ZNF536: variants seen among roughly 807,000 people sequenced by gnomAD.
ZNF536 encodes the protein zinc finger protein 536.
ZNF536 carries 13 observed loss-of-function variants against 84.5 expected under a neutral mutation model. The observed-to-expected ratio is 0.15, with a 90% CI of 0.10 to 0.24. ZNF536 has a LOEUF of 0.24. Ranked by LOEUF, ZNF536 falls within the 10% of genes least tolerant of loss-of-function variation. ZNF536 has a pLI of 1.00. For missense variants in ZNF536, 1,536 were observed against 1,747.5 expected (o/e 0.88, Z 2.16); for synonymous variants, 811 against 742.5 (o/e 1.09, Z -1.50).
intron 1 of ZNF536, among the ~76,000 whole-genome samples, chr19:30,673,122 A>G (rs1284440793): frequency 6.6e-6 from 1 of 152,124 alleles, no homozygotes; most frequent in Non-Finnish European, 1.5e-5. Context: ...TCACATGAGA[A>G]TCGAGCCTCT....
intron 3 of ZNF536, among the ~76,000 whole-genome samples, chr19:30,543,301 T>C (rs550009354): frequency 1.8e-4 from 28 of 152,350 alleles, no homozygotes; most frequent in South Asian, 4.1e-4. Context: ...GAGGTCACCA[T>C]AGGACTCTTG....
At chr19:30,498,512 G>A (rs2054813728) in intron 2 of ZNF536, among the ~76,000 whole-genome samples, 1 of 152,030 alleles carries the variant, frequency 6.6e-6, no homozygotes, top group African/African-American at 2.4e-5. Flanking sequence ...TAGGTGATGG[G>A]TTAACAGGTG....
chr19:30,426,977 A>G lies in ZNF536; in HGVS notation c.-2-16584A>G, dbSNP rs118107448. Among the ~76,000 whole-genome samples the G allele has an allele frequency of 6.2e-4, 93 of 150,688 alleles. No homozygotes were observed. The East Asian group carries it at 0.016, about 25-fold the overall frequency. ...TGCTCATTGATCCATGCATCCATCCATCCATGTATCCATCCATCCATCCAT... is the reference window on the plus strand; with the variant it reads ...TGCTCATTGATCCATGCATCCATCCGTCCATGTATCCATCCATCCATCCAT... On this transcript the variant is annotated intron_variant, in intron 1 of 4. Coordinates refer to ENST00000355537, the MANE Select transcript of ZNF536 (RefSeq NM_014717.3).
intron 2 of ZNF536, among the ~76,000 whole-genome samples, chr19:30,330,797 T>A (rs1352729357): frequency 6.6e-6 from 1 of 152,162 alleles, no homozygotes; most frequent in Non-Finnish European, 1.5e-5. Context: ...TCCTGAGGGC[T>A]CCTAGCCTGA....
intron 1 of ZNF536, among the ~76,000 whole-genome samples, chr19:30,422,424 G>A (rs1433070): frequency 0.54 from 81,548 of 151,938 alleles, 22,985 homozygotes; most frequent in East Asian, 0.78. Context: ...CAAGAAAAAG[G>A]TTACTAGATG....
At chr19:30,229,605 AG>A (rs1477783504) in intron 1 of ZNF536, among the ~76,000 whole-genome samples, 2 of 152,062 alleles carry the variant, frequency 1.3e-5, no homozygotes, top group African/African-American at 2.4e-5. Flanking sequence ...AGGGAGTCGC[AG>A]GGGGTCGCCC....
At chr19:30,627,762 TC>T (rs1270837055) in intron 1 of ZNF536, among the ~76,000 whole-genome samples, 1 of 152,140 alleles carries the variant, frequency 6.6e-6, no homozygotes, top group Non-Finnish European at 1.5e-5. Flanking sequence ...GCGTTGACCT[TC>T]CCCTGACATT....
chr19:30,462,294 G>A (rs377129009), intron 2 of ZNF536, among the ~76,000 whole-genome samples: 24 of 140,512 alleles, frequency 1.7e-4, no homozygotes, highest in African/African-American at 7.0e-4. Flanking sequence ...TTGTGATTTT[G>A]TGTGTGTGAG....
intron 2 of ZNF536, among the ~76,000 whole-genome samples, chr19:30,315,124 C>G (rs983278584): frequency 6.6e-6 from 1 of 152,192 alleles, no homozygotes; most frequent in South Asian, 2.1e-4. Flanking sequence ...GAATCTCATG[C>G]CTTTTGTTCT....
intron 1 of ZNF536, among the ~76,000 whole-genome samples, chr19:30,709,439 G>C (rs558642764): frequency 1.3e-5 from 2 of 151,990 alleles, no homozygotes; most frequent in African/African-American, 4.8e-5. Flanking sequence ...CCAAACACAC[G>C]CTCCCTTGCC....
intron 1 of ZNF536, among the ~76,000 whole-genome samples, chr19:30,640,388 C>T (rs1027764768): frequency 3.3e-5 from 5 of 151,996 alleles, no homozygotes; most frequent in Admixed American, 6.6e-5. Flanking sequence ...AGTAAAATAA[C>T]GTCTTAAATA....
intron 1 of ZNF536, among the ~76,000 whole-genome samples, chr19:30,246,010 C>T (rs2024246848): frequency 6.6e-6 from 1 of 152,152 alleles, no homozygotes; most frequent in South Asian, 2.1e-4. Context: ...TTTGGCAGTG[C>T]TTGATGTGGG....
At chr19:30,370,269 A>G (rs2048569073), upstream of ZNF536, among the ~76,000 whole-genome samples, 1 of 152,186 alleles carries the variant, frequency 6.6e-6, no homozygotes, top group Admixed American at 6.5e-5. Context: ...GACCTTTTCT[A>G]ACTTAATTTA....
At chr19:30,243,603 GA>G (rs1335533358) in intron 1 of ZNF536, among the ~76,000 whole-genome samples, 1 of 152,140 alleles carries the variant, frequency 6.6e-6, no homozygotes, top group Non-Finnish European at 1.5e-5. Flanking sequence ...TAACGCTAAT[GA>G]AAAAATTATA....
intron 1 of ZNF536, among the ~76,000 whole-genome samples, chr19:30,271,493 G>C: frequency 6.6e-6 from 1 of 151,986 alleles, no homozygotes; most frequent in East Asian, 1.9e-4. Context: ...AGCTAAGGCT[G>C]ATATGGATTT....
chr19:30,234,794 C>G (rs1314916664), intron 1 of ZNF536, among the ~76,000 whole-genome samples: 1 of 151,914 alleles, frequency 6.6e-6, no homozygotes, highest in Non-Finnish European at 1.5e-5. Flanking sequence ...CACCCCACAC[C>G]ACGAAGTAGC....
intron 1 of ZNF536, among the ~76,000 whole-genome samples, chr19:30,697,417 G>A (rs1267910434): frequency 1.3e-5 from 2 of 152,190 alleles, no homozygotes; most frequent in Admixed American, 1.3e-4. Flanking sequence ...CATGCAATGG[G>A]CACGTAGTAG....
chr19:30,703,779 G>A (rs974718824), intron 1 of ZNF536, among the ~76,000 whole-genome samples: 2 of 152,150 alleles, frequency 1.3e-5, no homozygotes, highest in African/African-American at 2.4e-5. Flanking sequence ...GGAGTTCTTC[G>A]TCATTTACCA....
chr19:30,701,350 GACAC>G lies in ZNF536; in HGVS notation c.170-9401_170-9398del, dbSNP rs894153667. Among the ~76,000 whole-genome samples, 7 of 126,476 alleles carry G rather than the reference GACAC, an allele frequency of 5.5e-5. No individual in the cohort carries two copies. In the East Asian group the frequency reaches 7.0e-4, roughly 13 times the overall value. 83.0% of individuals were successfully genotyped at this position (126,476 alleles called of 152,430 possible). On this transcript the variant is annotated intron_variant, in intron 1 of 1. Transcript: ENST00000592773. ...ACACAAACACACCAACACACACACA[GACAC>G]ACACAAACACAAATACACAAACACA...
Sources: gnomAD v4.1 joint callset for allele counts (sites outside exome capture counted in the v4.1 genomes callset) on GRCh38, gnomAD v4.1.1 for gene constraint, MANE v1.5 for transcripts, NCBI Gene and HGNC (gene_info 2026-07-23, HGNC 2026-07-21) for gene names.